The following MTCL2 variants were observed in gnomAD, a reference collection of about 807,000 sequenced individuals.
The protein encoded by MTCL2 is microtubule cross-linking factor 2.
At chr20:36,787,422 T>C in the MTCL2 span, among the ~76,000 whole-genome samples, 1 of 151,856 alleles carries the variant, frequency 6.6e-6, no homozygotes, top group Non-Finnish European at 1.5e-5. Context: ...GAGAGGGGAT[T>C]TTAGCATGTT....
At chr20:36,802,712 G>A in the MTCL2 span, 1 of 1,012,566 alleles carries the variant, frequency 9.9e-7, no homozygotes, top group Non-Finnish European at 1.4e-6. Flanking sequence ...CCTGGATCCA[G>A]CTATACCTGA....
the MTCL2 span, among the ~76,000 whole-genome samples, chr20:36,839,730 C>G: frequency 6.6e-6 from 1 of 152,168 alleles, no homozygotes; most frequent in East Asian, 1.9e-4. The surrounding 1 kb of genome is among the most constrained non-coding windows in gnomAD (Gnocchi z 5.1). Context: ...GCTGTGATGA[C>G]GGAGGAAGGG....
At chr20:36,783,655 A>C in the MTCL2 span, 1 of 527,354 alleles carries the variant, frequency 1.9e-6, no homozygotes, top group Non-Finnish European at 2.4e-6. Context: ...CGAGAAGGGC[A>C]GCATTCCTTC....
At chr20:36,817,489 A>T in the MTCL2 span, 18 of 1,057,158 alleles carry the variant, frequency 1.7e-5, no homozygotes, top group Admixed American at 3.2e-5. Flanking sequence ...GATTTAATTA[A>T]AAAAAAAAAA....
At chr20:36,784,220 C>T in the MTCL2 span, 3 of 986,286 alleles carry the variant, frequency 3.0e-6, no homozygotes, top group Non-Finnish European at 3.6e-6. Flanking sequence ...TGGAGGGCCC[C>T]CCTGACCTCA....
At chr20:36,860,976 C>A in the MTCL2 span, among the ~76,000 whole-genome samples, 1 of 152,200 alleles carries the variant, frequency 6.6e-6, no homozygotes, top group African/African-American at 2.4e-5. Flanking sequence ...GTGCCTCAAA[C>A]AGACTTTGGG....
chr20:36,861,971 G>A, the MTCL2 span, among the ~76,000 whole-genome samples: 1 of 152,352 alleles, frequency 6.6e-6, no homozygotes, highest in Non-Finnish European at 1.5e-5. Context: ...AGGGGCCAAT[G>A]GGGCTGTTGT....
chr20:36,850,925 C>T, the MTCL2 span, among the ~76,000 whole-genome samples: 1 of 152,154 alleles, frequency 6.6e-6, no homozygotes, highest in Admixed American at 6.5e-5. Context: ...AGGAAGCTCA[C>T]ATGCAGGAAG....
At chr20:36,789,626 C>T in the MTCL2 span, among the ~76,000 whole-genome samples, 1 of 151,534 alleles carries the variant, frequency 6.6e-6, no homozygotes, top group Non-Finnish European at 1.5e-5. Context: ...GATCACACCA[C>T]TGCATTCCAA....
chr20:36,801,469 G>A, the MTCL2 span, among the ~76,000 whole-genome samples: 12 of 151,856 alleles, frequency 7.9e-5, no homozygotes, highest in Non-Finnish European at 1.6e-4. Context: ...CCAGCGACTC[G>A]GGAGGCTGAG....
the MTCL2 span, among the ~76,000 whole-genome samples, chr20:36,852,294 C>T: frequency 1.4e-5 from 2 of 142,142 alleles, no homozygotes; most frequent in Non-Finnish European, 1.6e-5. Context: ...CTCTGGGCCA[C>T]TCGTCTCCTG....
At chr20:36,785,429 A>G in the MTCL2 span, 1 of 985,212 alleles carries the variant, frequency 1.0e-6, no homozygotes, top group Non-Finnish European at 1.2e-6. Flanking sequence ...CAAATAAACA[A>G]TCTAGGCAAG....
At chr20:36,839,235 A>G in the MTCL2 span, 6,873 of 1,601,664 alleles carry the variant, frequency 4.3e-3, 440 homozygotes, top group Admixed American at 0.11. The surrounding 1 kb of genome is among the most constrained non-coding windows in gnomAD (Gnocchi z 5.1). Context: ...CCTGCTCCAG[A>G]CCACGGATAA....
the MTCL2 span, chr20:36,828,806 G>A: frequency 4.4e-6 from 2 of 451,396 alleles, no homozygotes; most frequent in East Asian, 4.0e-5. Flanking sequence ...TCATTACCCC[G>A]TGAGCTCCCT....
chr20:36,863,151 G>A, the MTCL2 span: 1 of 1,373,316 alleles, frequency 7.3e-7, no homozygotes. This position sits in a 1 kb window ranked among gnomAD's most constrained non-coding sequence, Gnocchi z 6.2. Context: ...TGAGGAGAAC[G>A]CGGCGCTGCA....
At chr20:36,788,693 T>G in the MTCL2 span, among the ~76,000 whole-genome samples, 1 of 152,180 alleles carries the variant, frequency 6.6e-6, no homozygotes. Context: ...CCAAACTGCT[T>G]GGTTAAATCC....
chr20:36,825,009 G>A, the MTCL2 span, among the ~76,000 whole-genome samples: 3 of 150,658 alleles, frequency 2.0e-5, no homozygotes, highest in East Asian at 1.9e-4. Flanking sequence ...ATGGGATGTC[G>A]GCTCACTGCA....
chr20:36,783,908 A>G, the MTCL2 span: 1 of 985,478 alleles, frequency 1.0e-6, no homozygotes, highest in South Asian at 4.7e-5. Flanking sequence ...AACCCCATCC[A>G]GCCCCACGTC....
At chr20:36,846,205 CAAAA>C in the MTCL2 span, among the ~76,000 whole-genome samples, 1 of 122,428 alleles carries the variant, frequency 8.2e-6, no homozygotes, top group Non-Finnish European at 1.8e-5. Flanking sequence ...GACTGTGTCT[CAAAA>C]AAAAAAAAAA....
Sources: allele counts gnomAD v4.1 joint callset (sites outside exome capture counted in the v4.1 genomes callset), GRCh38; gene constraint gnomAD v4.1.1; non-coding constraint Gnocchi (gnomAD v3.1); transcripts MANE v1.5; gene names NCBI Gene and HGNC (gene_info 2026-07-23, HGNC 2026-07-21).